ANKRD6: variants seen among roughly 807,000 people sequenced by gnomAD.
The protein encoded by ANKRD6 is ankyrin repeat domain-containing protein 6.
A neutral mutation model predicts 82.3 loss-of-function variants in ANKRD6; 56 were observed. The ratio of observed to expected loss-of-function variants is 0.68; its 90% CI spans 0.55 to 0.85. ANKRD6 has a LOEUF of 0.85. Ranked by LOEUF, ANKRD6 falls within the 40% of genes least tolerant of loss-of-function variation. The pLI, the probability that ANKRD6 is intolerant of heterozygous loss-of-function variation, is 0.00. For missense variants in ANKRD6, 852 were observed against 907.6 expected (o/e 0.94, Z 0.79); for synonymous variants, 347 against 352.1 (o/e 0.99, Z 0.16).
chr6:89,611,971 G>A (rs567774527), intron 5 of ANKRD6, among the ~76,000 whole-genome samples: 1 of 152,318 alleles, frequency 6.6e-6, no homozygotes, highest in South Asian at 2.1e-4. Context: ...AGGATGTGGG[G>A]GTCATGCTCC....
chr6:89,554,033 A>G (rs75002417), intron 1 of ANKRD6, among the ~76,000 whole-genome samples: 1 of 152,180 alleles, frequency 6.6e-6, no homozygotes, highest in African/African-American at 2.4e-5. Context: ...AGTGACTTCA[A>G]AAAGGGAGCA....
In ANKRD6 at chr6:89,582,592, T is replaced by C. The variant is rs571244918; in HGVS notation, c.121-13324T>C. Among the ~76,000 whole-genome samples the C allele has an allele frequency of 6.6e-5, 10 of 152,302 alleles. No individual in the cohort carries two copies. The South Asian group carries it at 2.1e-3, about 32-fold the overall frequency. The stretch of plus-strand genomic sequence containing the variant: ...TCCATTTCCAGATCTTTTTTCATCT[T>C]CCCAAACTGTAACTTTGTACCCATT... On this transcript the variant is annotated intron_variant, in intron 2 of 15. Coordinates refer to ENST00000339746, the MANE Select transcript of ANKRD6 (RefSeq NM_001242809.2).
chr6:89,631,386 CT>C lies in ANKRD6; in HGVS notation c.*383del, dbSNP rs1447811057. 10 of 162,244 alleles carry C rather than the reference CT, an allele frequency of 6.2e-5. No individual in the cohort carries two copies. The highest frequency in any genetic ancestry group is 1.3e-4 in the Non-Finnish European group (10 of 74,340). 10.1% of individuals were successfully genotyped at this position (162,244 alleles called of 1,614,324 possible). On this transcript the variant is annotated 3_prime_UTR_variant, in exon 16 of 16. Transcript: ENST00000339746. ...AAAAGCAAGAAAAACGTAATCCCGT[CT>C]GAACTCAAGTAGTCATTCATATAAA...
rs372522774 is a variant in ANKRD6 at position 89,462,302 on chromosome 6, G to A, written c.-144+28927G>A. 3.3e-5 allele frequency among the ~76,000 whole-genome samples: 5 copies of A among 150,930 alleles called. No homozygotes were observed. The East Asian group carries it at 7.8e-4, about 23-fold the overall frequency. The stretch of plus-strand genomic sequence containing the variant: ...TAAATAAAAATGAAGGAAGTTTACA[G>A]TGTTTATCTTCTTTTGGGGTTAAAC... On this transcript the variant is annotated intron_variant, in intron 1 of 15. Transcript: ENST00000339746.
intron 1 of ANKRD6, among the ~76,000 whole-genome samples, chr6:89,498,650 G>A (rs1451992288): frequency 1.3e-5 from 2 of 152,138 alleles, no homozygotes; most frequent in African/African-American, 4.8e-5. Context: ...CTGCTATGCA[G>A]AGAAGTGAAC....
intron 1 of ANKRD6, among the ~76,000 whole-genome samples, chr6:89,463,895 G>A (rs1343283613): frequency 6.6e-6 from 1 of 152,038 alleles, no homozygotes; most frequent in Non-Finnish European, 1.5e-5. Context: ...CTCATTTTGG[G>A]GTCTGCTTCA....
intron 1 of ANKRD6, among the ~76,000 whole-genome samples, chr6:89,566,439 G>A (rs1480771317): frequency 6.6e-6 from 1 of 152,216 alleles, no homozygotes; most frequent in Non-Finnish European, 1.5e-5. Flanking sequence ...CATGGTGGAC[G>A]CACAAAATCC....
intron 1 of ANKRD6, among the ~76,000 whole-genome samples, chr6:89,495,372 C>T (rs1328517582): frequency 6.6e-6 from 1 of 152,214 alleles, no homozygotes; most frequent in Non-Finnish European, 1.5e-5. Flanking sequence ...TAGAGGGGAT[C>T]TCTTCCACAG....
chr6:89,445,752 G>A (rs547365503), intron 1 of ANKRD6, among the ~76,000 whole-genome samples: 2 of 151,542 alleles, frequency 1.3e-5, no homozygotes, highest in South Asian at 4.2e-4. Context: ...CTCAATTTTT[G>A]TATTTTTAGT....
chr6:89,612,388 G>A lies in ANKRD6; in HGVS notation c.516+18G>A. The A allele has an allele frequency of 6.5e-7, 1 of 1,534,760 alleles. No homozygotes were observed. Among genetic ancestry groups the A allele is most frequent in the South Asian group, 1.2e-5 (1 of 83,492 alleles). On this transcript the variant is annotated intron_variant, in intron 6 of 15. Transcript: ENST00000339746. The stretch of plus-strand genomic sequence containing the variant: ...AAAATAATGTGGGTGAACAAAACCA[G>A]ATTCTCACGTTCTCTCTTTCTTGTG...
intron 1 of ANKRD6, among the ~76,000 whole-genome samples, chr6:89,541,931 G>A (rs1169419804): frequency 6.6e-6 from 1 of 151,624 alleles, no homozygotes; most frequent in Non-Finnish European, 1.5e-5. Flanking sequence ...GTCTGTATTT[G>A]CACCTTCGAT....
At chr6:89,593,264 A>C (rs769304477) in intron 2 of ANKRD6, among the ~76,000 whole-genome samples, 4 of 152,202 alleles carry the variant, frequency 2.6e-5, no homozygotes, top group Non-Finnish European at 4.4e-5. Flanking sequence ...TGTCTTAGGA[A>C]ACTTTGTGAA....
chr6:89,563,473 G>A (rs1453156280), intron 1 of ANKRD6, among the ~76,000 whole-genome samples: 1 of 152,244 alleles, frequency 6.6e-6, no homozygotes, highest in Admixed American at 6.5e-5. Flanking sequence ...ACAAAGAGGG[G>A]TGTAATTGAT....
chr6:89,459,973 A>G (rs1241035961), intron 1 of ANKRD6, among the ~76,000 whole-genome samples: 1 of 152,120 alleles, frequency 6.6e-6, no homozygotes, highest in Non-Finnish European at 1.5e-5. Flanking sequence ...ATTAAATATT[A>G]TCCTTGGAAT....
At chr6:89,520,630 C>T (rs1781776869) in intron 1 of ANKRD6, among the ~76,000 whole-genome samples, 1 of 152,172 alleles carries the variant, frequency 6.6e-6, no homozygotes, top group Non-Finnish European at 1.5e-5. Flanking sequence ...ACTTTGGATC[C>T]TAGGCTGCAG....
chr6:89,448,149 C>T (rs1425475526), intron 1 of ANKRD6, among the ~76,000 whole-genome samples: 5 of 152,046 alleles, frequency 3.3e-5, no homozygotes, highest in Non-Finnish European at 7.4e-5. Context: ...AATTATGATA[C>T]GTTGGCCAGG....
At chr6:89,585,366 G>A (rs1793468108) in intron 2 of ANKRD6, among the ~76,000 whole-genome samples, 1 of 152,224 alleles carries the variant, frequency 6.6e-6, no homozygotes, top group African/African-American at 2.4e-5. Flanking sequence ...AAGGCAAGAA[G>A]AATGCAAGCA....
At chr6:89,480,456 A>G (rs1196795557) in intron 1 of ANKRD6, among the ~76,000 whole-genome samples, 1 of 152,130 alleles carries the variant, frequency 6.6e-6, no homozygotes, top group Non-Finnish European at 1.5e-5. Flanking sequence ...CTTCATCTCA[A>G]AAGTGAGTAT....
At position 89,616,639 on chromosome 6, in the gene ANKRD6, T is replaced by A. The variant is rs768283025; in HGVS notation, c.696T>A (p.Asp232Glu). Residue 232 changes from aspartate (D) to glutamate (E), a missense_variant, in exon 8 of 16, where the codon GAT becomes GAA. Transcript: ENST00000339746. ...VAKILLEAGA[D>E]TTIVNNAGQT... ...AAATCTTACTGGAAGCCGGAGCAGATACGACCATTGTTAACAATGTAAGTT... is the reference window on the plus strand; with the variant it reads ...AAATCTTACTGGAAGCCGGAGCAGAAACGACCATTGTTAACAATGTAAGTT... 51 of 1,613,936 alleles carry A rather than the reference T, an allele frequency of 3.2e-5. No individual in the cohort carries two copies. Among genetic ancestry groups the A allele is most frequent in the Non-Finnish European group, 4.3e-5 (51 of 1,179,898 alleles).
Sources: gnomAD v4.1 joint callset for allele counts (sites outside exome capture counted in the v4.1 genomes callset) on GRCh38, gnomAD v4.1.1 for gene constraint, MANE v1.5 for transcripts, NCBI Gene and HGNC (gene_info 2026-07-23, HGNC 2026-07-21) for gene names.